Variants in HAS2 observed in about 807,000 individuals in gnomAD.
HAS2 encodes the protein HA synthase 2.
HAS2 carries 16 observed loss-of-function variants against 51.6 expected under a neutral mutation model. That is an observed-to-expected ratio of 0.31 (90% CI 0.21 to 0.47). The LOEUF is 0.47. Among genes scored for constraint, HAS2 ranks in the 20% least tolerant of loss-of-function variants. The pLI is 1.00. For missense variants in HAS2, 361 were observed against 662.6 expected, an observed-to-expected ratio of 0.54 and a Z score of 5.00; for synonymous variants, 228 against 235.5, an observed-to-expected ratio of 0.97 and a Z score of 0.29.
rs1586513747 is a variant in HAS2 at position 121,640,822 on chromosome 8, T to C, written c.-1+31A>G. 2.6e-5 allele frequency: 4 copies of C among 152,254 alleles called. No individual in the cohort carries two copies. In the South Asian group the frequency reaches 8.3e-4, roughly 32 times the overall value. The allele number at this position is 152,254 out of a possible 1,614,324, so 9.4% of individuals were successfully genotyped here. ...TCCCTGGCCTGTTGGAGGACCTTCA[T>C]CCTTCACCAAAACGCGCCAGTGTAA... is the stretch of plus-strand genomic sequence containing the variant. On this transcript the variant is annotated intron_variant, in intron 1 of 3. Coordinates refer to ENST00000303924, the MANE Select transcript of HAS2 (RefSeq NM_005328.3).
chr8:121,629,179 T>C lies in HAS2; in HGVS notation c.162A>G (p.Ala54=). 6.2e-7 allele frequency: 1 copy of C among 1,614,126 alleles called. No homozygotes were observed. ...ACAGGCTTTGGATGATGAGGTGTGA[T>C]GCCAAAAAGGCACCATACAGTCCAA... ...FSFGLYGAFL[A]SHLIIQSLFA... is the part of the protein sequence containing the mutation. The change falls in exon 2 of 4, where the codon GCA becomes GCG. Residue 54 remains alanine, a synonymous_variant. Coordinates refer to ENST00000303924, the MANE Select transcript of HAS2 (RefSeq NM_005328.3).
rs543811540 is a variant in HAS2, at chr8:121,615,146, C to T, written c.730-108G>A. On this transcript the variant is annotated intron_variant, in intron 3 of 3. Transcript: ENST00000303924. ...GGAGTAATATTTGTTATTTTATCCT[C>T]CCATTTTGGCTTCGTTCCTCTTTTT... 130 of 713,254 alleles carry T rather than the reference C, an allele frequency of 1.8e-4. No homozygotes were observed. In the African/African-American group the frequency reaches 2.1e-3, roughly 12 times the overall value. The allele number at this position is 713,254 out of a possible 1,614,324, so 44.2% of individuals were successfully genotyped here. A position where few individuals can be genotyped will look rare whatever the true frequency, so the allele number is the denominator to read the frequency against.
chr8:121,625,346 A>C (rs930349123), intron 2 of HAS2, among the ~76,000 whole-genome samples: 1 of 152,144 alleles, frequency 6.6e-6, no homozygotes, highest in South Asian at 2.1e-4. Context: ...TGTAAATAAA[A>C]AAGCCAGTAT....
At chr8:121,639,726 C>T (rs1031812087) in intron 1 of HAS2, 1 of 152,358 alleles carries the variant, frequency 6.6e-6, no homozygotes, top group Admixed American at 6.5e-5. Context: ...CTCATACAGA[C>T]CCTCCTTTCA....
Position 121,629,052 on chromosome 8 carries a change from C to T in HAS2, c.289G>A (p.Asp97Asn). 6.2e-7 allele frequency: 1 copy of T among 1,614,046 alleles called. No individual in the cohort carries two copies. Among genetic ancestry groups the T allele is most frequent in the Non-Finnish European group, 8.5e-7 (1 of 1,179,938 alleles). The change falls in exon 2 of 4, where the codon GAC becomes AAC. Residue 97 changes from aspartate to asparagine, a missense_variant. Transcript: ENST00000303924. ...GATTGCAAACATTTCCTTAAGTAGT[C>T]TGGATCTTCTTGATAGGCAGCGATG... ...LCIAAYQEDP[D>N]YLRKCLQSVK...
In HAS2 at chr8:121,612,507, T is replaced by C. The variant is rs931108140; in HGVS notation, c.*1602A>G. On this transcript the variant is annotated 3_prime_UTR_variant, in exon 4 of 4. Transcript: ENST00000303924. ...CCATTTTTTTTTTAACACTTCTCCA[T>C]GTGTCTCTGCCTCACCATAATGCTG... The C allele has an allele frequency of 5.9e-5, 9 of 152,140 alleles. No homozygotes were observed. 9.4% of individuals were successfully genotyped at this position (152,140 alleles called of 1,614,324 possible). A position where few individuals can be genotyped will look rare whatever the true frequency, so the allele number is the denominator to read the frequency against.
chr8:121,637,979 C>A (rs1422851688), intron 1 of HAS2, among the ~76,000 whole-genome samples: 1 of 152,176 alleles, frequency 6.6e-6, no homozygotes, highest in African/African-American at 2.4e-5. Flanking sequence ...AGTAATGTAA[C>A]AAACTACTTG....
intron 1 of HAS2, among the ~76,000 whole-genome samples, chr8:121,629,905 A>G (rs1215059017): frequency 6.6e-6 from 1 of 152,186 alleles, no homozygotes; most frequent in East Asian, 1.9e-4. Context: ...GTACTAGCTC[A>G]TTAACTAACT....
chr8:121,618,783 C>G (rs1269837494), intron 2 of HAS2, among the ~76,000 whole-genome samples: 1 of 152,104 alleles, frequency 6.6e-6, no homozygotes, highest in Non-Finnish European at 1.5e-5. Flanking sequence ...TCCCATTATT[C>G]TGCCATCAAG....
chr8:121,632,735 CTCATCATCA>C (rs78052408), intron 1 of HAS2, among the ~76,000 whole-genome samples: 4 of 148,016 alleles, frequency 2.7e-5, no homozygotes, highest in East Asian at 1.9e-4. Flanking sequence ...TGCAAATTTA[CTCATCATCA>C]TCATCATCAT....
intron 2 of HAS2, among the ~76,000 whole-genome samples, chr8:121,623,838 A>G (rs1812808111): frequency 6.6e-6 from 1 of 152,214 alleles, no homozygotes; most frequent in Non-Finnish European, 1.5e-5. Context: ...ACTATTCTCA[A>G]TACTGGCCCT....
Position 121,617,178 on chromosome 8 carries a change from G to C in HAS2, c.656C>G (p.Pro219Arg). Reference protein sequence around the residue: ...QVCDSDTMLDPASSVEMVKVL... With the variant: ...QVCDSDTMLDRASSVEMVKVL... ...TTTTACCATCTCCACAGATGAGGCT[G>C]GGTCAAGCATAGTGTCTGAATCACA... The change falls in exon 3 of 4, where the codon CCA becomes CGA. Residue 219 changes from proline (P) to arginine (R), a missense_variant. Transcript: ENST00000303924. 1 of 1,611,200 alleles carries C rather than the reference G, an allele frequency of 6.2e-7. No homozygotes were observed. The highest frequency in any genetic ancestry group is 8.5e-7 in the Non-Finnish European group (1 of 1,177,590).
chr8:121,625,613 G>A (rs1812837330), intron 2 of HAS2, among the ~76,000 whole-genome samples: 1 of 148,668 alleles, frequency 6.7e-6, no homozygotes, highest in South Asian at 2.1e-4. Flanking sequence ...CCAGGCTCTA[G>A]CAATCCTACC....
chr8:121,635,165 A>G (rs1368117438), intron 1 of HAS2, among the ~76,000 whole-genome samples: 1 of 152,068 alleles, frequency 6.6e-6, no homozygotes, highest in Non-Finnish European at 1.5e-5. Flanking sequence ...ATCTACTACC[A>G]ATTTCAGAGA....
rs1418753126 is a variant in HAS2, at chr8:121,616,307, T to G, written c.729+798A>C. Among the ~76,000 whole-genome samples, 4 of 151,428 alleles carry G rather than the reference T, an allele frequency of 2.6e-5. No homozygotes were observed. The East Asian group carries it at 7.7e-4, about 29-fold the overall frequency. ...TCACTAGTATAAACTTGAGTCTCTG[T>G]TTTTTTTTAATTATTCCTTTTTGAC... On this transcript the variant is annotated intron_variant, in intron 3 of 3. Coordinates refer to ENST00000303924, the MANE Select transcript of HAS2 (RefSeq NM_005328.3).
At chr8:121,620,319 T>C (rs573276152) in intron 2 of HAS2, among the ~76,000 whole-genome samples, 2 of 152,326 alleles carry the variant, frequency 1.3e-5, no homozygotes, top group East Asian at 3.9e-4. Flanking sequence ...GAACAGGCTT[T>C]CTAGCCATCT....
At chr8:121,623,500 G>A (rs144763193) in intron 2 of HAS2, among the ~76,000 whole-genome samples, 7 of 152,258 alleles carry the variant, frequency 4.6e-5, no homozygotes, top group Non-Finnish European at 8.8e-5. Flanking sequence ...GGGGGAAAAG[G>A]CAGATTAAAA....
rs898234580 is a variant in HAS2 at position 121,617,141 on chromosome 8, T to C, written c.693A>G (p.Glu231=). Reference sequence around the variant, plus strand: ...CCCCAACACCTCCAACCATGGGATCTTCTTCTAAAACTTTTACCATCTCCA... The same window carrying C: ...CCCCAACACCTCCAACCATGGGATCCTCTTCTAAAACTTTTACCATCTCCA... ...SSVEMVKVLE[E]DPMVGGVGGD... Residue 231 remains glutamate (E), a synonymous_variant, in exon 3 of 4, where the codon GAA becomes GAG. Coordinates refer to ENST00000303924, the MANE Select transcript of HAS2 (RefSeq NM_005328.3). 3 of 1,611,694 alleles carry C rather than the reference T, an allele frequency of 1.9e-6. No homozygotes were observed. The highest frequency in any genetic ancestry group is 2.5e-6 in the Non-Finnish European group (3 of 1,177,806).
chr8:121,617,327 C>G, intron 2 of HAS2, 121 bp from the exon 3 acceptor site: 1 of 615,114 alleles, frequency 1.6e-6, no homozygotes, highest in Non-Finnish European at 2.9e-6. Context: ...CCTCAGTAAG[C>G]AAGTATCATG....
Sources: gnomAD v4.1 joint callset for allele counts (sites outside exome capture counted in the v4.1 genomes callset) on GRCh38, gnomAD v4.1.1 for gene constraint, MANE v1.5 for transcripts, NCBI Gene and HGNC (gene_info 2026-07-23, HGNC 2026-07-21) for gene names.